The following KCND2 variants were observed in gnomAD, a reference collection of about 807,000 sequenced individuals.
The protein encoded by KCND2 is potassium voltage-gated channel subfamily D member 2.
A neutral mutation model predicts 54.4 loss-of-function variants in KCND2; 16 were observed. That is an observed-to-expected ratio of 0.29 (90% CI 0.20 to 0.45). KCND2 has a LOEUF of 0.45. KCND2 is among the 20% of genes least tolerant of loss of function. KCND2 has a pLI of 1.00. For missense variants in KCND2, 486 were observed against 824.2 expected (o/e 0.59, Z 5.02); for synonymous variants, 317 against 310.7 (o/e 1.02, Z -0.21).
chr7:120,304,972 C>T (rs1018649380), intron 1 of KCND2, among the ~76,000 whole-genome samples: 66 of 152,074 alleles, frequency 4.3e-4, no homozygotes, highest in African/African-American at 1.5e-3. Context: ...ATATTATTGT[C>T]CTTGGAGACA....
chr7:120,380,720 C>A (rs1482086670), intron 1 of KCND2, among the ~76,000 whole-genome samples: 1 of 151,858 alleles, frequency 6.6e-6, no homozygotes, highest in East Asian at 1.9e-4. Flanking sequence ...TTCATCACTT[C>A]AGAGAAAAAT....
In KCND2 at chr7:120,696,963, T is replaced by C. The variant is rs138753443; in HGVS notation, c.1116-35940T>C. 4.4e-3 allele frequency among the ~76,000 whole-genome samples: 672 copies of C among 152,356 alleles called. 2 individuals carry two copies. Among genetic ancestry groups the C allele is most frequent in the Non-Finnish European group, 7.9e-3 (536 of 68,026 alleles). ...ATCAAGTAAATCTAATTAAATATTT[T>C]AAAACTTAGAGTTCCATATATCTGC... On this transcript the variant is annotated intron_variant, in intron 1 of 5. Transcript: ENST00000331113.
chr7:120,418,316 CAG>C (rs538069620), intron 1 of KCND2, among the ~76,000 whole-genome samples: 16 of 152,226 alleles, frequency 1.1e-4, no homozygotes, highest in Non-Finnish European at 1.9e-4. Context: ...TTCCACAAGA[CAG>C]AGTGTTTGGG....
intron 1 of KCND2, among the ~76,000 whole-genome samples, chr7:120,652,078 T>C (rs1425851239): frequency 1.4e-5 from 2 of 145,456 alleles, no homozygotes; most frequent in Non-Finnish European, 3.0e-5. Flanking sequence ...CTATCTTTTT[T>C]TTTCCTTTTT....
At chr7:120,705,335 T>C (rs1306198852) in intron 1 of KCND2, among the ~76,000 whole-genome samples, 1 of 152,182 alleles carries the variant, frequency 6.6e-6, no homozygotes, top group African/African-American at 2.4e-5. Flanking sequence ...ATATGATGTA[T>C]AAAATTCCAC....
chr7:120,622,090 C>G (rs553482011), intron 1 of KCND2, among the ~76,000 whole-genome samples: 21 of 151,948 alleles, frequency 1.4e-4, no homozygotes, highest in Admixed American at 9.2e-4. Flanking sequence ...ACAATATACT[C>G]TATATATTGT....
chr7:120,584,261 T>A (rs907737311), intron 1 of KCND2, among the ~76,000 whole-genome samples: 2 of 152,234 alleles, frequency 1.3e-5, no homozygotes, highest in Non-Finnish European at 2.9e-5. Flanking sequence ...TACATGCAGA[T>A]CTAAAACTGT....
At chr7:120,625,559 A>G (rs990881302) in intron 1 of KCND2, among the ~76,000 whole-genome samples, 9 of 152,184 alleles carry the variant, frequency 5.9e-5, no homozygotes, top group African/African-American at 1.9e-4. Flanking sequence ...TAAAACAGAA[A>G]AGTCCTAAGG....
At chr7:120,437,885 G>T (rs1207154162) in intron 1 of KCND2, among the ~76,000 whole-genome samples, 1 of 152,158 alleles carries the variant, frequency 6.6e-6, no homozygotes, top group Non-Finnish European at 1.5e-5. Context: ...AATAAATTTT[G>T]AAGTGCCTCT....
At chr7:120,691,789 G>T (rs2116603959) in intron 1 of KCND2, among the ~76,000 whole-genome samples, 1 of 152,212 alleles carries the variant, frequency 6.6e-6, no homozygotes, top group South Asian at 2.1e-4. Context: ...ACAGAGAAAT[G>T]GTGCTGATAC....
intron 1 of KCND2, among the ~76,000 whole-genome samples, chr7:120,414,540 A>C (rs1584769007): frequency 6.6e-6 from 1 of 152,232 alleles, no homozygotes; most frequent in East Asian, 1.9e-4. Context: ...CTTGTATCAC[A>C]TTTTGATCTT....
chr7:120,677,556 G>GATATAGATATAGATATAGAT lies in KCND2; in HGVS notation c.1116-55342_1116-55341insGATATAGATATAGATATATA, dbSNP rs1562906460. ...ATATAGATATAGATATAGATATATA[G>GATATAGATATAGATATAGAT]ATATATAGATATATAGATATATAGA... On this transcript the variant is annotated intron_variant, in intron 1 of 5. Transcript: ENST00000331113. Among the ~76,000 whole-genome samples the GATATAGATATAGATATAGAT allele has an allele frequency of 1.9e-3, 204 of 107,522 alleles. 1 individual carries two copies. Among genetic ancestry groups the GATATAGATATAGATATAGAT allele is most frequent in the African/African-American group, 8.7e-3 (190 of 21,720 alleles). The allele number at this position is 107,522 out of a possible 152,430, so 70.5% of individuals were successfully genotyped here.
At chr7:120,693,505 G>T (rs1265623372) in intron 1 of KCND2, among the ~76,000 whole-genome samples, 2 of 151,228 alleles carry the variant, frequency 1.3e-5, no homozygotes, top group African/African-American at 4.9e-5. Context: ...ATTTTTAAAT[G>T]GATAATGAAA....
upstream of KCND2, among the ~76,000 whole-genome samples, chr7:120,272,992 A>G (rs1467192907): frequency 6.6e-6 from 1 of 151,822 alleles, no homozygotes; most frequent in Non-Finnish European, 1.5e-5. Context: ...ACCGCAGCCC[A>G]GCACGTGAAG....
intron 1 of KCND2, among the ~76,000 whole-genome samples, chr7:120,521,450 C>T (rs1265520249): frequency 6.6e-6 from 1 of 151,944 alleles, no homozygotes; most frequent in East Asian, 1.9e-4. Flanking sequence ...ATATTTTATT[C>T]TTCCTTGGGC....
At chr7:120,523,571 A>C (rs1791728009) in intron 1 of KCND2, among the ~76,000 whole-genome samples, 1 of 147,774 alleles carries the variant, frequency 6.8e-6, no homozygotes, top group African/African-American at 2.5e-5. Context: ...TCGATAAGCC[A>C]AAAAAAAACA....
intron 1 of KCND2, among the ~76,000 whole-genome samples, chr7:120,588,422 T>TGTGTGG (rs935498935): frequency 6.6e-6 from 1 of 151,486 alleles, no homozygotes; most frequent in African/African-American, 2.4e-5. Flanking sequence ...TGTGTGTGTG[T>TGTGTGG]GTGTGTGTGT....
intron 1 of KCND2, among the ~76,000 whole-genome samples, chr7:120,355,298 G>C (rs1223265600): frequency 6.6e-6 from 1 of 152,184 alleles, no homozygotes; most frequent in Non-Finnish European, 1.5e-5. Context: ...CATAATCCCA[G>C]TGCTTTGAGA....
intron 1 of KCND2, among the ~76,000 whole-genome samples, chr7:120,333,216 G>A (rs552587831): frequency 3.5e-4 from 54 of 152,204 alleles, no homozygotes; most frequent in African/African-American, 1.2e-3. Flanking sequence ...GGGGGTTCAA[G>A]TTATTCCTTA....
Sources: gnomAD v4.1 joint callset for allele counts (sites outside exome capture counted in the v4.1 genomes callset) on GRCh38, gnomAD v4.1.1 for gene constraint, MANE v1.5 for transcripts, NCBI Gene and HGNC (gene_info 2026-07-23, HGNC 2026-07-21) for gene names.